Variants in RABGAP1L observed in about 807,000 individuals in gnomAD.
RABGAP1L encodes the protein RAB GTPase activating protein 1 like, also known as rab GTPase-activating protein 1-like.
Under a neutral mutation model 137.7 loss-of-function variants are expected in RABGAP1L, and 63 were observed. That is an observed-to-expected ratio of 0.46 (90% CI 0.37 to 0.56). RABGAP1L has a LOEUF of 0.56. Among genes scored for constraint, RABGAP1L ranks in the 20% least tolerant of loss-of-function variants. The probability of loss-of-function intolerance (pLI) is 0.00; values close to 1 mark genes in which losing one functional copy is unlikely to be tolerated. For missense variants in RABGAP1L, 1,095 were observed against 1,244.0 expected (o/e 0.88, Z 1.80); for synonymous variants, 431 against 433.7 (o/e 0.99, Z 0.08).
At chr1:174,610,643 A>G (rs1356174004) in intron 13 of RABGAP1L, among the ~76,000 whole-genome samples, 2 of 152,152 alleles carry the variant, frequency 1.3e-5, no homozygotes, top group Non-Finnish European at 2.9e-5. Context: ...GACTTCCACA[A>G]TGGTTGAACT....
intron 17 of RABGAP1L, among the ~76,000 whole-genome samples, chr1:174,713,628 T>G (rs922884602): frequency 3.3e-5 from 5 of 152,190 alleles, no homozygotes; most frequent in African/African-American, 1.2e-4. Context: ...ACTGTGATAG[T>G]AAGCTTCCTG....
intron 14 of RABGAP1L, 37 bp downstream of exon 14, chr1:174,637,525 A>G (rs965927327): frequency 7.7e-6 from 11 of 1,431,108 alleles, no homozygotes; most frequent in Admixed American, 5.3e-5. Context: ...AAATTATTTT[A>G]CAGAGCTATA....
At chr1:174,327,503 T>C (rs74128348) in intron 11 of RABGAP1L, among the ~76,000 whole-genome samples, 6,906 of 151,664 alleles carry the variant, frequency 0.046, 225 homozygotes, top group Middle Eastern at 0.092. Context: ...ATAAATACAA[T>C]ACAAATAAAA....
intron 19 of RABGAP1L, among the ~76,000 whole-genome samples, chr1:174,857,781 G>C (rs1282228720): frequency 6.6e-6 from 1 of 152,150 alleles, no homozygotes; most frequent in Non-Finnish European, 1.5e-5. Context: ...AATTTTAAGA[G>C]TGTGTGTATT....
chr1:174,312,179 T>C (rs1340895104), intron 11 of RABGAP1L, among the ~76,000 whole-genome samples: 3 of 152,184 alleles, frequency 2.0e-5, no homozygotes, highest in Non-Finnish European at 2.9e-5. Flanking sequence ...AACTGTTCTA[T>C]ATAGTGGTTG....
chr1:174,657,813 A>G (rs537593350), intron 14 of RABGAP1L, among the ~76,000 whole-genome samples: 6 of 152,294 alleles, frequency 3.9e-5, no homozygotes, highest in Non-Finnish European at 8.8e-5. Context: ...AGGAAACTCC[A>G]TACTGCTTGT....
intron 10 of RABGAP1L, among the ~76,000 whole-genome samples, chr1:174,285,034 G>A (rs1206355475): frequency 6.6e-6 from 1 of 151,102 alleles, no homozygotes; most frequent in Non-Finnish European, 1.5e-5. Context: ...TTGTTGTTTT[G>A]TGATGGAGTG....
intron 19 of RABGAP1L, among the ~76,000 whole-genome samples, chr1:174,922,664 G>T (rs1430032652): frequency 6.6e-6 from 1 of 152,144 alleles, no homozygotes; most frequent in Non-Finnish European, 1.5e-5. Context: ...AAAGAGCAAT[G>T]ATAACATTAT....
chr1:174,475,934 C>T (rs188592772), intron 13 of RABGAP1L, among the ~76,000 whole-genome samples: 1 of 151,696 alleles, frequency 6.6e-6, no homozygotes, highest in East Asian at 1.9e-4. Context: ...TAACATTATA[C>T]CAGTATATAA....
At chr1:174,925,193 G>T (rs1299869475) in intron 19 of RABGAP1L, among the ~76,000 whole-genome samples, 1 of 151,446 alleles carries the variant, frequency 6.6e-6, no homozygotes, top group East Asian at 2.0e-4. Flanking sequence ...GTGAAACCCC[G>T]TCTCTACTAA....
At position 174,423,230 on chromosome 1, in the gene RABGAP1L, T is replaced by A. The variant is rs147389866; in HGVS notation, c.1710+29085T>A. ...TAACTCTAAATTGTGTCCATTTTTT[T>A]AATATTGCACTATCTTTTGTTGTTT... On this transcript the variant is annotated intron_variant, in intron 13 of 25. Transcript: ENST00000681986. 1.2e-3 allele frequency among the ~76,000 whole-genome samples: 182 copies of A among 152,334 alleles called. 1 individual carries two copies. Among genetic ancestry groups the A allele is most frequent in the African/African-American group, 4.2e-3 (176 of 41,586 alleles).
rs1571735195 is a variant in RABGAP1L at position 174,241,638 on chromosome 1, C to G, written c.698C>G (p.Ser233Cys). ...GSEEFQIHVF[S>C]CEIKEAVSRI... ...GAAGAATTTCAGATACATGTTTTCT[C>G]CTGTGAAATTAAAGAGGCAGTAAGT... The change falls in exon 5 of 26, where the codon TCC becomes TGC. Residue 233 changes from serine (S) to cysteine (C), a missense_variant. By Grantham distance (112) the Ser-to-Cys change is moderately radical. This residue lies in a region of RABGAP1L where 356 missense variants were observed against 326.3 expected (regional missense o/e 1.09). Transcript: ENST00000681986. 1.2e-6 allele frequency: 2 copies of G among 1,612,400 alleles called. No homozygotes were observed. The highest frequency in any genetic ancestry group is 3.4e-5 in the Admixed American group (2 of 59,652).
intron 13 of RABGAP1L, among the ~76,000 whole-genome samples, chr1:174,551,348 T>C (rs1321616857): frequency 6.6e-6 from 1 of 152,092 alleles, no homozygotes; most frequent in Non-Finnish European, 1.5e-5. Context: ...ATATAGAGTA[T>C]GTTGTCTGAC....
intron 17 of RABGAP1L, among the ~76,000 whole-genome samples, chr1:174,737,045 C>T (rs1022621664): frequency 2.0e-5 from 3 of 152,158 alleles, no homozygotes; most frequent in African/African-American, 4.8e-5. Context: ...GCACTTGGCT[C>T]CCTTTTAGTT....
chr1:174,347,353 T>A (rs1682527179), intron 11 of RABGAP1L, among the ~76,000 whole-genome samples: 1 of 152,194 alleles, frequency 6.6e-6, no homozygotes, highest in Non-Finnish European at 1.5e-5. Context: ...GATCTCTTTC[T>A]TTAGTTCTAA....
chr1:174,839,546 T>G (rs1693157953), intron 19 of RABGAP1L, among the ~76,000 whole-genome samples: 1 of 152,174 alleles, frequency 6.6e-6, no homozygotes, highest in African/African-American at 2.4e-5. Context: ...ATAATCCTAA[T>G]TGTTTAAGAG....
chr1:174,914,529 A>G (rs1437505650), intron 19 of RABGAP1L, among the ~76,000 whole-genome samples: 1 of 152,208 alleles, frequency 6.6e-6, no homozygotes, highest in Non-Finnish European at 1.5e-5. Context: ...TGCCACAGTA[A>G]TACCTCTAAA....
intron 13 of RABGAP1L, among the ~76,000 whole-genome samples, chr1:174,470,304 T>C (rs1657768117): frequency 1.3e-5 from 2 of 152,246 alleles, no homozygotes; most frequent in Admixed American, 1.3e-4. Flanking sequence ...AATGTAATTT[T>C]ACATATGTAC....
intron 13 of RABGAP1L, among the ~76,000 whole-genome samples, chr1:174,460,643 A>G (rs1234228268): frequency 6.6e-6 from 1 of 152,184 alleles, no homozygotes. Context: ...GGTTTCCCAA[A>G]GGAGTGATCC....
Sources: allele counts gnomAD v4.1 joint callset (sites outside exome capture counted in the v4.1 genomes callset), GRCh38; gene constraint gnomAD v4.1.1; regional missense constraint gnomAD v4.1.1; transcripts MANE v1.5; gene names NCBI Gene and HGNC (gene_info 2026-07-23, HGNC 2026-07-21).